The following MCOLN2 variants were observed in gnomAD, a reference collection of about 807,000 sequenced individuals.
The protein encoded by MCOLN2 is mucolipin-2.
In MCOLN2, 57 loss-of-function variants were observed where a neutral mutation model predicts 67.5. The observed-to-expected ratio is 0.84, with a 90% confidence interval of 0.68 to 1.05. The LOEUF (loss-of-function observed/expected upper bound fraction) is 1.05. Ranked by LOEUF, MCOLN2 falls within the 50% of genes least tolerant of loss-of-function variation. The pLI is 0.00. For missense variants in MCOLN2, 620 were observed against 678.8 expected, an observed-to-expected ratio of 0.91 and a Z score of 0.96; for synonymous variants, 246 against 233.3, an observed-to-expected ratio of 1.05 and a Z score of -0.50.
At chr1:84,930,256 C>T (rs1167958493) in intron 12 of MCOLN2, among the ~76,000 whole-genome samples, 1 of 150,738 alleles carries the variant, frequency 6.6e-6, no homozygotes, top group Non-Finnish European at 1.5e-5. Context: ...GAGCAAGACC[C>T]TCTCTCTTTT....
chr1:84,993,775 C>T lies in MCOLN2; in HGVS notation c.77+3021G>A, dbSNP rs556383019. Among the ~76,000 whole-genome samples, 16 of 151,464 alleles carry T rather than the reference C, an allele frequency of 1.1e-4. No homozygotes were observed. In the East Asian group the frequency reaches 2.1e-3, roughly 20 times the overall value. On this transcript the variant is annotated intron_variant, in intron 1 of 13. Transcript: ENST00000370608. The stretch of plus-strand genomic sequence containing the variant: ...CCTCCCGAGTAGCTGGGACTACAGG[C>T]GCCCGCCACCACGCCCGGCTAATTT...
rs1370532457 is a variant in MCOLN2, at chr1:84,987,582, A to ATT, written c.77+9213_77+9214insAA. Among the ~76,000 whole-genome samples, 2 of 86,820 alleles carry ATT rather than the reference A, an allele frequency of 2.3e-5. 1 individual carries two copies. Among genetic ancestry groups the ATT allele is most frequent in the Non-Finnish European group, 4.6e-5 (2 of 43,462 alleles). 57.0% of individuals were successfully genotyped at this position (86,820 alleles called of 152,430 possible). A position where few individuals can be genotyped will look rare whatever the true frequency, so the allele number is the denominator to read the frequency against. ...TATGTATACATAGATGTATACATAG[A>ATT]TATATACATATGTATATAGATGTAT... On this transcript the variant is annotated intron_variant, in intron 1 of 13. Transcript: ENST00000370608.
At chr1:84,930,353 A>T (rs922586648) in intron 12 of MCOLN2, among the ~76,000 whole-genome samples, 2 of 151,878 alleles carry the variant, frequency 1.3e-5, no homozygotes, top group African/African-American at 4.8e-5. Context: ...GGCAATGTAG[A>T]CTCTGCTTGG....
At chr1:84,965,402 C>T in intron 2 of MCOLN2, 147 bp downstream of exon 2, 1 of 776,736 alleles carries the variant, frequency 1.3e-6, no homozygotes, top group Non-Finnish European at 2.0e-6. Flanking sequence ...GAACTTCAAC[C>T]TAGCCTCTGC....
At chr1:84,983,471 G>T (rs1008000471) in intron 1 of MCOLN2, among the ~76,000 whole-genome samples, 4 of 151,428 alleles carry the variant, frequency 2.6e-5, no homozygotes, top group African/African-American at 7.3e-5. Context: ...GTCTTGCCAC[G>T]TTGCCCAGAC....
In MCOLN2 at chr1:84,937,782, C is replaced by A; in HGVS notation, c.1308G>T (p.Trp436Cys). The change falls in exon 11 of 14, where the codon TGG (tryptophan) becomes TGT (cysteine). Residue 436 changes from tryptophan (W) to cysteine (C), a missense_variant. Coordinates refer to ENST00000370608, the MANE Select transcript of MCOLN2 (RefSeq NM_153259.4). ...MIYLGYTFCG[W>C]IVLGPYHDKF... The stretch of plus-strand genomic sequence containing the variant: ...TGTCATGGTATGGTCCTAAGACAAT[C>A]CAGCCACAGAATGTGTAACCCAGAT... 1.9e-6 allele frequency: 3 copies of A among 1,614,150 alleles called. No individual in the cohort carries two copies. Among genetic ancestry groups the A allele is most frequent in the Non-Finnish European group, 2.5e-6 (3 of 1,180,030 alleles).
intron 1 of MCOLN2, among the ~76,000 whole-genome samples, chr1:84,991,286 G>C (rs1009534943): frequency 1.3e-5 from 2 of 152,136 alleles, no homozygotes; most frequent in Non-Finnish European, 2.9e-5. Flanking sequence ...AGTAATGACT[G>C]TGTTGGCCCC....
chr1:84,930,444 CAA>C (rs1661353868), intron 12 of MCOLN2, among the ~76,000 whole-genome samples: 2 of 151,928 alleles, frequency 1.3e-5, no homozygotes. Flanking sequence ...CAAGCAGACA[CAA>C]AGACTCCCTC....
chr1:84,968,891 G>C (rs1447757732), intron 1 of MCOLN2, among the ~76,000 whole-genome samples: 1 of 152,250 alleles, frequency 6.6e-6, no homozygotes, highest in Admixed American at 6.5e-5. Flanking sequence ...AGAGAGGCCA[G>C]AAGGATCTGA....
chr1:84,933,907 A>G (rs1484831403), intron 11 of MCOLN2, among the ~76,000 whole-genome samples: 1 of 152,230 alleles, frequency 6.6e-6, no homozygotes, highest in Non-Finnish European at 1.5e-5. Context: ...CACACCAAAG[A>G]GTTAAAACAG....
intron 2 of MCOLN2, among the ~76,000 whole-genome samples, chr1:84,959,467 T>C (rs569903223): frequency 6.6e-6 from 1 of 152,236 alleles, no homozygotes; most frequent in Non-Finnish European, 1.5e-5. Flanking sequence ...TGGAACCCAA[T>C]AAATGGAGGA....
At chr1:84,965,978 C>A (rs919572306) in intron 1 of MCOLN2, among the ~76,000 whole-genome samples, 2 of 152,158 alleles carry the variant, frequency 1.3e-5, no homozygotes, top group East Asian at 1.9e-4. Context: ...CTCGGCCAGA[C>A]GTGGTGGCTC....
intron 1 of MCOLN2, among the ~76,000 whole-genome samples, chr1:84,974,141 C>T (rs1403804911): frequency 6.6e-6 from 1 of 152,172 alleles, no homozygotes; most frequent in African/African-American, 2.4e-5. Flanking sequence ...GTGGTTGGAA[C>T]TTGAGTTCCC....
Position 84,981,737 on chromosome 1 carries a change from G to A in MCOLN2, c.77+15059C>T, listed in dbSNP as rs116184711. ...GGGTACAAAGAGAAAGAATGAATAA[G>A]ACCTAGTATTTGATAGCACTCCAAG... is the stretch of plus-strand genomic sequence containing the variant. On this transcript the variant is annotated intron_variant, in intron 1 of 13. Transcript: ENST00000370608. 3.9e-3 allele frequency among the ~76,000 whole-genome samples: 587 copies of A among 152,140 alleles called. 2 individuals carry two copies. Among genetic ancestry groups the A allele is most frequent in the African/African-American group, 0.013 (550 of 41,490 alleles).
chr1:84,979,348 T>C (rs11161495), intron 1 of MCOLN2, among the ~76,000 whole-genome samples: 77,287 of 152,002 alleles, frequency 0.51, 19,882 homozygotes, highest in Middle Eastern at 0.54. Flanking sequence ...ATTACCCTGA[T>C]ATCAAAACCA....
intron 3 of MCOLN2, among the ~76,000 whole-genome samples, chr1:84,956,934 C>T (rs1370003405): frequency 6.6e-6 from 1 of 152,252 alleles, no homozygotes; most frequent in East Asian, 1.9e-4. Context: ...ATTTTTGCCT[C>T]TGGCCTTTGC....
chr1:84,941,271 C>T (rs950684848), intron 7 of MCOLN2, among the ~76,000 whole-genome samples: 20 of 152,078 alleles, frequency 1.3e-4, no homozygotes, highest in Non-Finnish European at 1.9e-4. Flanking sequence ...CTGAGGTGGG[C>T]GGATCACGAG....
intron 1 of MCOLN2, among the ~76,000 whole-genome samples, chr1:84,983,218 A>G (rs1650345136): frequency 6.6e-6 from 1 of 151,564 alleles, no homozygotes; most frequent in Non-Finnish European, 1.5e-5. Flanking sequence ...ACTCCCCACC[A>G]CCTTTATTTC....
At chr1:84,975,825 G>A (rs1369885729) in intron 1 of MCOLN2, among the ~76,000 whole-genome samples, 1 of 152,016 alleles carries the variant, frequency 6.6e-6, no homozygotes, top group Non-Finnish European at 1.5e-5. Flanking sequence ...AAATTTAACA[G>A]AGATTGACAT....
Sources: allele counts gnomAD v4.1 joint callset (sites outside exome capture counted in the v4.1 genomes callset), GRCh38; gene constraint gnomAD v4.1.1; transcripts MANE v1.5; gene names NCBI Gene and HGNC (gene_info 2026-07-23, HGNC 2026-07-21).